The following HCN1 variants were observed in gnomAD, a reference collection of about 807,000 sequenced individuals.
The protein encoded by HCN1 is hyperpolarization activated cyclic nucleotide gated potassium channel 1.
A neutral mutation model predicts 78.9 loss-of-function variants in HCN1; 13 were observed. That is an observed-to-expected ratio of 0.16 (90% CI 0.11 to 0.26). The LOEUF (loss-of-function observed/expected upper bound fraction) is 0.26. HCN1 is among the 10% of genes least tolerant of loss of function. The probability of loss-of-function intolerance (pLI) is 1.00; values close to 1 mark genes in which losing one functional copy is unlikely to be tolerated. For synonymous variants in HCN1, 552 were observed against 455.5 expected, an observed-to-expected ratio of 1.21 and a Z score of -2.70; for missense variants, 810 against 1,154.3, an observed-to-expected ratio of 0.70 and a Z score of 4.32.
At chr5:45,451,603 G>A (rs1198171954) in intron 3 of HCN1, among the ~76,000 whole-genome samples, 1 of 151,820 alleles carries the variant, frequency 6.6e-6, no homozygotes, top group African/African-American at 2.4e-5. Flanking sequence ...AGATAATAAT[G>A]CCCACCATGG....
rs972341308 is a variant in HCN1 at position 45,597,918 on chromosome 5, C to T, written c.849+47267G>A. On this transcript the variant is annotated intron_variant, in intron 2 of 7. Transcript: ENST00000303230. ...CACTGCTCAACAAAATAAAAGAGGA[C>T]ACAAACAAATGGAAGAACATTCCAT... Among the ~76,000 whole-genome samples, 9 of 152,180 alleles carry T rather than the reference C, an allele frequency of 5.9e-5. No individual in the cohort carries two copies. The East Asian group carries it at 1.7e-3, about 29-fold the overall frequency.
At chr5:45,380,486 G>A (rs1021408156) in intron 4 of HCN1, among the ~76,000 whole-genome samples, 5 of 152,068 alleles carry the variant, frequency 3.3e-5, no homozygotes, top group African/African-American at 1.2e-4. Context: ...AGTTACATAG[G>A]AGATTTGGTT....
intron 4 of HCN1, among the ~76,000 whole-genome samples, chr5:45,389,312 T>C (rs1414385556): frequency 6.6e-6 from 1 of 152,166 alleles, no homozygotes; most frequent in Non-Finnish European, 1.5e-5. Flanking sequence ...TCAAATATAA[T>C]ATAATTTCTT....
chr5:45,421,999 T>C (rs1256572621), intron 3 of HCN1, among the ~76,000 whole-genome samples: 1 of 152,210 alleles, frequency 6.6e-6, no homozygotes, highest in African/African-American at 2.4e-5. Flanking sequence ...CTCTCTGATC[T>C]TTTCCCACTT....
chr5:45,646,442 C>T (rs1367281251), intron 1 of HCN1, among the ~76,000 whole-genome samples: 14 of 146,430 alleles, frequency 9.6e-5, no homozygotes, highest in Admixed American at 2.8e-4. Context: ...ACAATCTCAG[C>T]TCACTGAAAC....
At chr5:45,281,153 C>T (rs1745155323) in intron 6 of HCN1, among the ~76,000 whole-genome samples, 2 of 151,904 alleles carry the variant, frequency 1.3e-5, no homozygotes, top group Admixed American at 1.3e-4. Context: ...GCTCTGTGTC[C>T]CCACCCAAAT....
intron 4 of HCN1, among the ~76,000 whole-genome samples, chr5:45,353,695 T>C (rs1746958157): frequency 1.3e-5 from 2 of 152,006 alleles, no homozygotes; most frequent in South Asian, 2.1e-4. Flanking sequence ...CAGAATCTAA[T>C]TAAATTTGGA....
intron 2 of HCN1, among the ~76,000 whole-genome samples, chr5:45,514,800 C>A (rs760511920): frequency 6.6e-6 from 1 of 151,906 alleles, no homozygotes; most frequent in Non-Finnish European, 1.5e-5. Context: ...ATTTAGTCTA[C>A]GAAACTCATG....
chr5:45,462,089 T>A (rs1304871651), intron 2 of HCN1, 82 bp from the exon 3 acceptor site: 3 of 1,015,388 alleles, frequency 3.0e-6, no homozygotes, highest in African/African-American at 1.6e-5. Flanking sequence ...GGCATTGATG[T>A]TGTGTAGCGT....
intron 2 of HCN1, among the ~76,000 whole-genome samples, chr5:45,513,687 G>A (rs185568035): frequency 3.3e-5 from 5 of 152,282 alleles, no homozygotes; most frequent in African/African-American, 7.2e-5. Flanking sequence ...TTACCCTTAT[G>A]AGAATCTAAT....
At chr5:45,338,410 A>G (rs960995434) in intron 5 of HCN1, among the ~76,000 whole-genome samples, 7 of 152,144 alleles carry the variant, frequency 4.6e-5, no homozygotes, top group African/African-American at 1.4e-4. Context: ...ATAAGATAAC[A>G]TGTTGTTGAC....
At chr5:45,295,112 A>G (rs1745462409) in intron 6 of HCN1, among the ~76,000 whole-genome samples, 1 of 151,610 alleles carries the variant, frequency 6.6e-6, no homozygotes, top group South Asian at 2.1e-4. Flanking sequence ...CCCAACACTC[A>G]CTCACCACCC....
chr5:45,466,849 C>T (rs1741280126), intron 2 of HCN1, among the ~76,000 whole-genome samples: 1 of 152,072 alleles, frequency 6.6e-6, no homozygotes, highest in Admixed American at 6.6e-5. Flanking sequence ...ATAGTAATCT[C>T]TTTTAACACT....
intron 2 of HCN1, among the ~76,000 whole-genome samples, chr5:45,516,224 T>A (rs1468366686): frequency 6.6e-6 from 1 of 151,966 alleles, no homozygotes; most frequent in Non-Finnish European, 1.5e-5. Flanking sequence ...CCAGTTCACA[T>A]CTTCTCTCCT....
chr5:45,320,421 G>A (rs1220738562), intron 5 of HCN1, among the ~76,000 whole-genome samples: 8 of 151,812 alleles, frequency 5.3e-5, no homozygotes, highest in Admixed American at 5.3e-4. Flanking sequence ...AAAAAGAAGA[G>A]TCAACATCTA....
chr5:45,657,058 T>G (rs922279110), intron 1 of HCN1, among the ~76,000 whole-genome samples: 1 of 152,198 alleles, frequency 6.6e-6, no homozygotes, highest in Non-Finnish European at 1.5e-5. Context: ...AGAAAATGAT[T>G]CTACCAGGAG....
At chr5:45,274,253 T>C (rs192214062) in intron 6 of HCN1, among the ~76,000 whole-genome samples, 2 of 152,334 alleles carry the variant, frequency 1.3e-5, no homozygotes, top group Admixed American at 1.3e-4. Context: ...ATTTGTGTCC[T>C]CTTCTACTAC....
intron 2 of HCN1, among the ~76,000 whole-genome samples, chr5:45,585,024 G>A (rs935013398): frequency 1.3e-5 from 2 of 152,006 alleles, no homozygotes; most frequent in Non-Finnish European, 2.9e-5. Flanking sequence ...TGCTCTTCTC[G>A]AGCAGTATCA....
intron 2 of HCN1, among the ~76,000 whole-genome samples, chr5:45,625,136 C>G (rs914508281): frequency 5.9e-5 from 9 of 152,148 alleles, no homozygotes; most frequent in African/African-American, 2.2e-4. Context: ...AACCCCATCT[C>G]TACTAAAAAT....
Sources: allele counts gnomAD v4.1 joint callset (sites outside exome capture counted in the v4.1 genomes callset), GRCh38; gene constraint gnomAD v4.1.1; transcripts MANE v1.5; gene names NCBI Gene and HGNC (gene_info 2026-07-23, HGNC 2026-07-21).